The following CSMD3 variants were observed in gnomAD, a reference collection of about 807,000 sequenced individuals.
The protein encoded by CSMD3 is CUB and sushi domain-containing protein 3.
Under a neutral mutation model 435.2 loss-of-function variants are expected in CSMD3, and 177 were observed. The observed-to-expected ratio is 0.41, with a 90% CI of 0.36 to 0.46. CSMD3 has a LOEUF of 0.46. Ranked by LOEUF, CSMD3 falls within the 20% of genes least tolerant of loss-of-function variation. The pLI is 0.34. For missense variants in CSMD3, 4,265 were observed against 4,504.6 expected (o/e 0.95, Z 1.52); for synonymous variants, 1,656 against 1,520.5 (o/e 1.09, Z -2.07).
chr8:112,273,590 G>A (rs1305746466), intron 59 of CSMD3, among the ~76,000 whole-genome samples: 1 of 151,986 alleles, frequency 6.6e-6, no homozygotes, highest in Non-Finnish European at 1.5e-5. Flanking sequence ...GCCAGGCTTG[G>A]TGGCAGGCGC....
chr8:112,925,134 G>A (rs931558347), intron 9 of CSMD3, among the ~76,000 whole-genome samples: 14 of 152,008 alleles, frequency 9.2e-5, no homozygotes, highest in African/African-American at 2.9e-4. Context: ...TGAACCTTAT[G>A]TTCCAAATAC....
chr8:112,228,084 G>A (rs749798095), intron 70 of CSMD3, among the ~76,000 whole-genome samples: 1 of 152,008 alleles, frequency 6.6e-6, no homozygotes, highest in African/African-American at 2.4e-5. Flanking sequence ...AAGGCATTTA[G>A]GTTATAGTCA....
At chr8:112,300,042 C>A (rs1029569793) in intron 53 of CSMD3, among the ~76,000 whole-genome samples, 1 of 149,390 alleles carries the variant, frequency 6.7e-6, no homozygotes, top group Admixed American at 6.7e-5. Context: ...ATAGTATTTT[C>A]AAATTTATAT....
At chr8:112,329,748 T>C (rs1823861940) in intron 45 of CSMD3, among the ~76,000 whole-genome samples, 1 of 152,184 alleles carries the variant, frequency 6.6e-6, no homozygotes, top group Non-Finnish European at 1.5e-5. Flanking sequence ...ACTGGGCATA[T>C]ACATACAGTG....
intron 11 of CSMD3, among the ~76,000 whole-genome samples, chr8:112,852,307 T>G (rs2432739): frequency 0.14 from 21,347 of 152,152 alleles, 1,732 homozygotes; most frequent in Middle Eastern, 0.3. Flanking sequence ...AGTCCTAAAA[T>G]ATCAGTTTAG....
intron 12 of CSMD3, among the ~76,000 whole-genome samples, chr8:112,826,479 C>G (rs2079684256): frequency 6.6e-6 from 1 of 152,090 alleles, no homozygotes. Context: ...CTGGGATCAT[C>G]CAATCTGTGG....
At chr8:112,358,337 G>A (rs923215724) in intron 38 of CSMD3, among the ~76,000 whole-genome samples, 1 of 152,148 alleles carries the variant, frequency 6.6e-6, no homozygotes, top group Non-Finnish European at 1.5e-5. Context: ...TTTGGACTGT[G>A]AACTACTGAG....
intron 1 of CSMD3, among the ~76,000 whole-genome samples, chr8:113,349,384 T>G (rs764209845): frequency 1.6e-4 from 24 of 152,144 alleles, no homozygotes; most frequent in South Asian, 1.4e-3. Context: ...TCATCACTAT[T>G]GAATGTGAAG....
chr8:112,713,877 G>A (rs957237147), intron 13 of CSMD3, among the ~76,000 whole-genome samples: 4 of 152,168 alleles, frequency 2.6e-5, no homozygotes, highest in Admixed American at 2.6e-4. Context: ...CAAAGGCTGA[G>A]AGATTTTGTC....
intron 32 of CSMD3, among the ~76,000 whole-genome samples, chr8:112,465,428 A>G (rs1027237091): frequency 3.5e-4 from 53 of 152,168 alleles, no homozygotes; most frequent in African/African-American, 1.3e-3. Context: ...CTCGCTACCC[A>G]TGGGTTTTCA....
intron 45 of CSMD3, among the ~76,000 whole-genome samples, chr8:112,334,784 T>C (rs557291717): frequency 2.0e-5 from 3 of 152,268 alleles, no homozygotes; most frequent in African/African-American, 7.2e-5. Flanking sequence ...GAAATCAAAT[T>C]GAGACTATAC....
chr8:112,858,119 G>A (rs779737546), intron 11 of CSMD3, among the ~76,000 whole-genome samples: 29 of 151,538 alleles, frequency 1.9e-4, no homozygotes, highest in Non-Finnish European at 3.4e-4. Flanking sequence ...TTAGAATTAG[G>A]TTTCAAGAAC....
chr8:112,732,447 G>A (rs567390160), intron 13 of CSMD3, among the ~76,000 whole-genome samples: 7 of 151,950 alleles, frequency 4.6e-5, no homozygotes, highest in East Asian at 1.9e-4. Flanking sequence ...AATAGATATC[G>A]TGGCTGGGTG....
At chr8:113,327,055 C>G (rs1410262733) in intron 1 of CSMD3, among the ~76,000 whole-genome samples, 1 of 152,148 alleles carries the variant, frequency 6.6e-6, no homozygotes, top group East Asian at 1.9e-4. Context: ...TAAGTCCCAG[C>G]TGGATTTCCC....
chr8:112,344,780 CA>C (rs1468898906), intron 41 of CSMD3, among the ~76,000 whole-genome samples: 2 of 151,742 alleles, frequency 1.3e-5, no homozygotes, highest in Non-Finnish European at 2.9e-5. Flanking sequence ...TGTAATGTAT[CA>C]AAAATATTGG....
chr8:112,467,400 C>T (rs548355857), intron 32 of CSMD3, among the ~76,000 whole-genome samples: 5 of 152,244 alleles, frequency 3.3e-5, no homozygotes, highest in African/African-American at 1.2e-4. Context: ...ATCGACTATA[C>T]TGGATATCCT....
At position 112,608,870 on chromosome 8, in the gene CSMD3, A is replaced by G. The variant is rs536654994; in HGVS notation, c.3716-21635T>C. ...CTCCAAATGAATTGAAGACTTAATC[A>G]TGAGACCTGAAACCTTAACACTTCT... On this transcript the variant is annotated intron_variant, in intron 22 of 70. Coordinates refer to ENST00000297405, the MANE Select transcript of CSMD3 (RefSeq NM_198123.2). 3.3e-5 allele frequency among the ~76,000 whole-genome samples: 5 copies of G among 152,200 alleles called. No homozygotes were observed. In the East Asian group the frequency reaches 9.7e-4, roughly 29 times the overall value.
At chr8:112,473,604 A>G (rs779980862) in intron 31 of CSMD3, among the ~76,000 whole-genome samples, 1 of 152,192 alleles carries the variant, frequency 6.6e-6, no homozygotes, top group Non-Finnish European at 1.5e-5. Context: ...ACAAGTGTTC[A>G]AAGAGGTAAA....
In CSMD3 at chr8:112,636,890, C is replaced by T. The variant is rs1316946895; in HGVS notation, c.3642G>A (p.Leu1214=). The change falls in exon 22 of 71, where the codon CTG becomes CTA. Residue 1214 remains leucine, a synonymous_variant. Transcript: ENST00000297405. ...GACAGATGATCTCTGATGTTCCTTC[C>T]AGTCGATAACCCGAAGAGCATGAGA... The part of the protein sequence containing the change: ...LTFSCSSGYR[L]EGTSEIICLG... 1 of 1,613,426 alleles carries T rather than the reference C, an allele frequency of 6.2e-7. No individual in the cohort carries two copies. Among genetic ancestry groups the T allele is most frequent in the African/African-American group, 1.3e-5 (1 of 74,900 alleles).
Sources: allele counts gnomAD v4.1 joint callset (sites outside exome capture counted in the v4.1 genomes callset), GRCh38; gene constraint gnomAD v4.1.1; transcripts MANE v1.5; gene names NCBI Gene and HGNC (gene_info 2026-07-23, HGNC 2026-07-21).